The following DPYD variants were observed in gnomAD, a reference collection of about 807,000 sequenced individuals.
DPYD encodes the protein dihydropyrimidine dehydrogenase, also known as dihydropyrimidine dehydrogenase [NADP(+)].
Under a neutral mutation model 116.2 loss-of-function variants are expected in DPYD, and 109 were observed. The observed-to-expected ratio is 0.94, with a 90% CI of 0.80 to 1.10. The LOEUF (loss-of-function observed/expected upper bound fraction) is 1.10, where lower values mean the gene tolerates loss of function less well. DPYD is among the 50% of genes least tolerant of loss of function. DPYD has a pLI of 0.00. For missense variants in DPYD, 1,302 were observed against 1,254.5 expected (o/e 1.04, Z -0.57); for synonymous variants, 440 against 432.0 (o/e 1.02, Z -0.23).
chr1:97,598,421 T>C (rs1237972993), intron 8 of DPYD, among the ~76,000 whole-genome samples: 6 of 152,342 alleles, frequency 3.9e-5, no homozygotes, highest in Middle Eastern at 6.8e-3. Context: ...TGACAAAGAT[T>C]TGACAAACAA....
chr1:97,209,529 T>C (rs1429900682), intron 19 of DPYD, among the ~76,000 whole-genome samples: 1 of 152,176 alleles, frequency 6.6e-6, no homozygotes, highest in Non-Finnish European at 1.5e-5. Flanking sequence ...TATTTGGCCA[T>C]ACAAATTCAC....
At chr1:97,672,136 T>C (rs1041256482) in intron 8 of DPYD, among the ~76,000 whole-genome samples, 4 of 152,106 alleles carry the variant, frequency 2.6e-5, no homozygotes, top group Admixed American at 2.6e-4. Flanking sequence ...AATAGACTTC[T>C]CTGTCTATCT....
chr1:97,666,251 C>T lies in DPYD; in HGVS notation c.850+12844G>A, dbSNP rs1856158. Among the ~76,000 whole-genome samples, 884 of 152,218 alleles carry T rather than the reference C, an allele frequency of 5.8e-3. 20 individuals carry two copies. Among genetic ancestry groups the T allele is most frequent in the Admixed American group, 0.049 (746 of 15,284 alleles). On this transcript the variant is annotated intron_variant, in intron 8 of 22. Transcript: ENST00000370192. ...TCAGTGGCACAATCACGGCTCATTGCAGCCTTGACCTCCTGGGCTCAAGTG... is the reference window on the plus strand; with the variant it reads ...TCAGTGGCACAATCACGGCTCATTGTAGCCTTGACCTCCTGGGCTCAAGTG...
At chr1:97,867,493 C>A (rs1671444073) in intron 2 of DPYD, among the ~76,000 whole-genome samples, 1 of 151,764 alleles carries the variant, frequency 6.6e-6, no homozygotes, top group Non-Finnish European at 1.5e-5. Context: ...ACAAACCAAA[C>A]TCAACAGCAC....
At chr1:97,507,196 T>C (rs376349688) in intron 13 of DPYD, among the ~76,000 whole-genome samples, 5 of 152,096 alleles carry the variant, frequency 3.3e-5, no homozygotes, top group Admixed American at 2.6e-4. Flanking sequence ...TGAATTTCAA[T>C]AAAATACGTC....
intron 21 of DPYD, among the ~76,000 whole-genome samples, chr1:97,084,163 G>A (rs1649345859): frequency 6.6e-6 from 1 of 151,888 alleles, no homozygotes; most frequent in African/African-American, 2.4e-5. Flanking sequence ...TGGCATTTAA[G>A]GCTTTCTGCA....
chr1:97,588,972 C>G (rs1170875137), intron 10 of DPYD, among the ~76,000 whole-genome samples: 2 of 152,154 alleles, frequency 1.3e-5, no homozygotes, highest in African/African-American at 4.8e-5. Flanking sequence ...AGCAGTGGAC[C>G]AGCAACCTCA....
chr1:97,827,471 C>T lies in DPYD; in HGVS notation c.233+643G>A, dbSNP rs138962721. Among the ~76,000 whole-genome samples the T allele has an allele frequency of 5.4e-3, 820 of 151,826 alleles. 10 individuals carry two copies. The highest frequency in any genetic ancestry group is 0.019 in the African/African-American group (770 of 41,450). ...GTCTAATAAAAAGCCTTTCTTGATTCTGATCAAATAGATTTGAAAAATGCT... is the reference window on the plus strand; with the variant it reads ...GTCTAATAAAAAGCCTTTCTTGATTTTGATCAAATAGATTTGAAAAATGCT... On this transcript the variant is annotated intron_variant, in intron 3 of 22. Coordinates refer to ENST00000370192, the MANE Select transcript of DPYD (RefSeq NM_000110.4).
At chr1:97,404,061 A>G (rs1673516603) in intron 14 of DPYD, among the ~76,000 whole-genome samples, 1 of 151,912 alleles carries the variant, frequency 6.6e-6, no homozygotes, top group South Asian at 2.1e-4. Context: ...TGTGTTATTT[A>G]GAGGTGTGTT....
chr1:97,432,077 A>G (rs1675207577), intron 14 of DPYD, among the ~76,000 whole-genome samples: 1 of 152,158 alleles, frequency 6.6e-6, no homozygotes, highest in African/African-American at 2.4e-5. Flanking sequence ...TCCATTGTGT[A>G]TCTATACCAC....
chr1:97,614,099 A>G (rs1406427754), intron 8 of DPYD, among the ~76,000 whole-genome samples: 1 of 152,080 alleles, frequency 6.6e-6, no homozygotes, highest in African/African-American at 2.4e-5. Flanking sequence ...CTTAATTAAT[A>G]TTTTTAAATG....
rs1452950508 is a variant in DPYD at position 97,897,648 on chromosome 1, A to G, written c.40-14274T>C. ...TTCTGCAGTGTCTAATCTGTCTTCA[A>G]TATTATCCAGTGTGTTTTTCATCTC... On this transcript the variant is annotated intron_variant, in intron 1 of 22. Coordinates refer to ENST00000370192, the MANE Select transcript of DPYD (RefSeq NM_000110.4). 2.0e-5 allele frequency among the ~76,000 whole-genome samples: 3 copies of G among 151,830 alleles called. No homozygotes were observed. The East Asian group carries it at 5.8e-4, about 30-fold the overall frequency.
At chr1:97,242,493 A>C (rs1662443920) in intron 18 of DPYD, among the ~76,000 whole-genome samples, 1 of 151,546 alleles carries the variant, frequency 6.6e-6, no homozygotes, top group South Asian at 2.1e-4. Flanking sequence ...AAATGCATAT[A>C]ATGTTGAATT....
At chr1:97,558,325 A>G (rs1651897657) in intron 11 of DPYD, among the ~76,000 whole-genome samples, 1 of 152,154 alleles carries the variant, frequency 6.6e-6, no homozygotes. Context: ...ATTGGCATAT[A>G]AGGGGAATCT....
At chr1:97,470,677 A>T (rs546493370) in intron 13 of DPYD, among the ~76,000 whole-genome samples, 25 of 152,338 alleles carry the variant, frequency 1.6e-4, no homozygotes, top group Middle Eastern at 3.4e-3. Flanking sequence ...TTAGTGATAC[A>T]GTTAGACCTA....
intron 21 of DPYD, among the ~76,000 whole-genome samples, chr1:97,092,718 G>C (rs1220742098): frequency 6.6e-6 from 1 of 151,886 alleles, no homozygotes; most frequent in Non-Finnish European, 1.5e-5. Context: ...TCAAATCTAA[G>C]TTTTTCATGC....
chr1:97,220,021 C>T (rs1369523303), intron 19 of DPYD, among the ~76,000 whole-genome samples: 5 of 152,098 alleles, frequency 3.3e-5, no homozygotes, highest in Non-Finnish European at 5.9e-5. Flanking sequence ...CAGGAGGACA[C>T]TCTTCTCTCG....
chr1:97,586,136 C>T (rs903955761), intron 10 of DPYD: 2 of 152,958 alleles, frequency 1.3e-5, no homozygotes, highest in Non-Finnish European at 2.9e-5. Context: ...AAAGACTGGG[C>T]TAATAGGACA....
rs1490426923 is a variant in DPYD at position 97,166,690 on chromosome 1, TC to T, written c.2622+26378del. ...CTAATGGTTTATCTTTACCTTCCCT[TC>T]AGCCCTTGGCAGCTGACCGACACAG... is the stretch of plus-strand genomic sequence containing the variant. On this transcript the variant is annotated intron_variant, in intron 20 of 22. Transcript: ENST00000370192. 2.0e-5 allele frequency among the ~76,000 whole-genome samples: 3 copies of T among 152,192 alleles called. No individual in the cohort carries two copies. The East Asian group carries it at 5.8e-4, about 29-fold the overall frequency.
Sources: allele counts gnomAD v4.1 joint callset (sites outside exome capture counted in the v4.1 genomes callset), GRCh38; gene constraint gnomAD v4.1.1; transcripts MANE v1.5; gene names NCBI Gene and HGNC (gene_info 2026-07-23, HGNC 2026-07-21).